Variants in B4GALT6 observed in about 807,000 individuals in gnomAD.
B4GALT6 encodes the protein UDP-Gal:beta-GlcNAc beta-1,4-galactosyltransferase 6.
A neutral mutation model predicts 46.3 loss-of-function variants in B4GALT6; 14 were observed. That is an observed-to-expected ratio of 0.30 (90% CI 0.20 to 0.47). The LOEUF (loss-of-function observed/expected upper bound fraction) is 0.47, where lower values mean the gene tolerates loss of function less well. Among genes scored for constraint, B4GALT6 ranks in the 20% least tolerant of loss-of-function variants. The pLI is 0.99. For synonymous variants in B4GALT6, 168 were observed against 162.0 expected (o/e 1.04, Z -0.28); for missense variants, 386 against 480.1 (o/e 0.80, Z 1.83).
chr18:31,714,461 G>T, the B4GALT6 span, among the ~76,000 whole-genome samples: 2 of 152,194 alleles, frequency 1.3e-5, no homozygotes, highest in Non-Finnish European at 2.9e-5. Flanking sequence ...CATGAAGCCA[G>T]GTGGGGATGC....
chr18:31,656,404 G>A (rs1567972805), intron 3 of B4GALT6, among the ~76,000 whole-genome samples: 1 of 151,940 alleles, frequency 6.6e-6, no homozygotes, highest in Non-Finnish European at 1.5e-5. Context: ...CATGGGGCAG[G>A]GGTAGAAGAT....
chr18:31,666,872 G>A (rs1482377234), intron 1 of B4GALT6, among the ~76,000 whole-genome samples: 3 of 152,106 alleles, frequency 2.0e-5, no homozygotes, highest in Non-Finnish European at 4.4e-5. Flanking sequence ...GGGGAGGGGT[G>A]ATCTAGGATC....
upstream of B4GALT6, among the ~76,000 whole-genome samples, chr18:31,687,954 A>C (rs2144772950): frequency 6.6e-6 from 1 of 152,292 alleles, no homozygotes; most frequent in Middle Eastern, 3.4e-3. Flanking sequence ...ATGGTAAAAT[A>C]AAAATATCTA....
chr18:31,663,302 C>T (rs1262665728), intron 2 of B4GALT6, among the ~76,000 whole-genome samples: 1 of 152,192 alleles, frequency 6.6e-6, no homozygotes, highest in Non-Finnish European at 1.5e-5. Context: ...CTGGCAGTGT[C>T]TGGGGGCCTC....
intron 5 of B4GALT6, among the ~76,000 whole-genome samples, chr18:31,631,547 AG>A (rs1282724149): frequency 2.0e-5 from 3 of 152,288 alleles, no homozygotes; most frequent in Admixed American, 2.0e-4. Flanking sequence ...TTGGTACATC[AG>A]CACATTTAAA....
chr18:31,684,456 G>C lies in B4GALT6; in HGVS notation c.-30C>G, dbSNP rs780130828. The C allele has an allele frequency of 3.1e-6, 5 of 1,608,182 alleles. No homozygotes were observed. The highest frequency in any genetic ancestry group is 2.5e-6 in the Non-Finnish European group (3 of 1,177,058). ...CTCTTCCCTGCCAGCAGCCCAGGCT[G>C]CGCTCTCAGGCCGGACTCGGGGCCA... On this transcript the variant is annotated 5_prime_UTR_variant, in exon 1 of 9. Transcript: ENST00000306851.
chr18:31,651,062 A>C (rs184682264), intron 3 of B4GALT6, among the ~76,000 whole-genome samples: 2 of 151,978 alleles, frequency 1.3e-5, no homozygotes, highest in African/African-American at 4.8e-5. Flanking sequence ...CACCGCGCCC[A>C]GCCCCCAGCT....
At chr18:31,707,016 A>G in the B4GALT6 span, among the ~76,000 whole-genome samples, 2 of 152,166 alleles carry the variant, frequency 1.3e-5, no homozygotes, top group African/African-American at 4.8e-5. Flanking sequence ...AAACGCCAGA[A>G]GGAAACGACA....
intron 8 of B4GALT6, 133 bp downstream of exon 8, chr18:31,626,150 A>G (rs2073693550): frequency 1.8e-6 from 1 of 541,414 alleles, no homozygotes; most frequent in Non-Finnish European, 3.2e-6. Flanking sequence ...GATTCCCTTC[A>G]GCAAAAAATA....
At chr18:31,711,463 A>T in the B4GALT6 span, among the ~76,000 whole-genome samples, 1 of 151,962 alleles carries the variant, frequency 6.6e-6, no homozygotes, top group African/African-American at 2.4e-5. Context: ...CTTTGTGTTC[A>T]TGTGTTCTCA....
chr18:31,716,300 G>A, the B4GALT6 span, among the ~76,000 whole-genome samples: 1 of 152,194 alleles, frequency 6.6e-6, no homozygotes, highest in South Asian at 2.1e-4. Context: ...AGGGATCAAG[G>A]AGTCTGAGAG....
At chr18:31,643,645 C>T (rs1016899045) in intron 4 of B4GALT6, among the ~76,000 whole-genome samples, 3 of 152,154 alleles carry the variant, frequency 2.0e-5, no homozygotes, top group Non-Finnish European at 4.4e-5. Context: ...CCTACTGAAT[C>T]ATATGTAGTT....
chr18:31,644,179 T>C (rs1178170351), intron 4 of B4GALT6, among the ~76,000 whole-genome samples: 2 of 152,366 alleles, frequency 1.3e-5, no homozygotes, highest in Middle Eastern at 3.4e-3. Flanking sequence ...TTAAGCAGCT[T>C]CACAACTTGT....
chr18:31,665,539 A>G (rs1451886132), intron 2 of B4GALT6, among the ~76,000 whole-genome samples: 1 of 152,118 alleles, frequency 6.6e-6, no homozygotes, highest in African/African-American at 2.4e-5. Context: ...AGAGATTGAG[A>G]CCATCTTGGC....
rs779366095 is a variant in B4GALT6 at position 31,624,769 on chromosome 18, C to T, written c.*845G>A. ...AACCTTGGAAACATTTTTTGAGGCA[C>T]AAAATCCCTGACACACCAGAGGTAC... On this transcript the variant is annotated 3_prime_UTR_variant, in exon 9 of 9. Transcript: ENST00000306851. 2.0e-5 allele frequency: 3 copies of T among 152,356 alleles called. No individual in the cohort carries two copies. Among genetic ancestry groups the T allele is most frequent in the Non-Finnish European group, 4.4e-5 (3 of 67,980 alleles). The allele number at this position is 152,356 out of a possible 1,614,324, so 9.4% of individuals were successfully genotyped here. A position where few individuals can be genotyped will look rare whatever the true frequency, so the allele number is the denominator to read the frequency against.
chr18:31,684,437 C>G lies in B4GALT6; in HGVS notation c.-11G>C. On this transcript the variant is annotated 5_prime_UTR_variant, in exon 1 of 9. Coordinates refer to ENST00000306851, the MANE Select transcript of B4GALT6 (RefSeq NM_004775.5). Reference sequence around the variant, plus strand: ...CCTGAGCACAGACATCTTCCTCTTCCCTGCCAGCAGCCCAGGCTGCGCTCT... The same window carrying G: ...CCTGAGCACAGACATCTTCCTCTTCGCTGCCAGCAGCCCAGGCTGCGCTCT... 1 of 1,612,368 alleles carries G rather than the reference C, an allele frequency of 6.2e-7. No individual in the cohort carries two copies.
At chr18:31,648,050 TG>T (rs1479702742) in intron 3 of B4GALT6, among the ~76,000 whole-genome samples, 7 of 152,130 alleles carry the variant, frequency 4.6e-5, no homozygotes, top group African/African-American at 1.7e-4. Context: ...ATGTCCTTCT[TG>T]TAAAGAAGGA....
At chr18:31,666,217 C>T in intron 2 of B4GALT6, 39 bp downstream of exon 2, 1 of 1,241,804 alleles carries the variant, frequency 8.1e-7, no homozygotes. Context: ...TGGTTTACTG[C>T]TTTGTAACTA....
intron 3 of B4GALT6, 150 bp from the exon 4 acceptor site, chr18:31,645,629 T>G: frequency 1.0e-4 from 67 of 651,892 alleles, no homozygotes; most frequent in Non-Finnish European, 1.4e-4. Flanking sequence ...TGAATAGCGC[T>G]CCCTTTCACT....
Sources: allele counts gnomAD v4.1 joint callset (sites outside exome capture counted in the v4.1 genomes callset), GRCh38; gene constraint gnomAD v4.1.1; transcripts MANE v1.5; gene names NCBI Gene and HGNC (gene_info 2026-07-23, HGNC 2026-07-21).